KCNJ16: variants seen among roughly 807,000 people sequenced by gnomAD.
The protein encoded by KCNJ16 is inward rectifier potassium channel 16.
A neutral mutation model predicts 18.5 loss-of-function variants in KCNJ16; 15 were observed. The observed-to-expected ratio is 0.81, with a 90% CI of 0.54 to 1.25. The LOEUF is 1.25. Among genes scored for constraint, KCNJ16 ranks in the 50% most tolerant of loss-of-function variants. The pLI is 0.00. For synonymous variants in KCNJ16, 174 were observed against 186.5 expected, an observed-to-expected ratio of 0.93 and a Z score of 0.55; for missense variants, 523 against 525.7, an observed-to-expected ratio of 0.99 and a Z score of 0.05.
chr17:70,100,515 C>T (rs1487795085), intron 1 of KCNJ16, 143 bp from the exon 2 acceptor site: 2 of 152,164 alleles, frequency 1.3e-5, no homozygotes, highest in African/African-American at 4.8e-5. Context: ...CTATGTACAC[C>T]TTTCTTTATA....
chr17:70,080,887 C>T (rs760649880), intron 1 of KCNJ16, among the ~76,000 whole-genome samples: 5 of 152,106 alleles, frequency 3.3e-5, no homozygotes, highest in Non-Finnish European at 7.4e-5. Context: ...GCTAGATCTC[C>T]GATTCAAGAT....
At chr17:70,101,572 T>C (rs997294865) in intron 2 of KCNJ16, 8 of 140,064 alleles carry the variant, frequency 5.7e-5, no homozygotes, top group African/African-American at 1.9e-4. Flanking sequence ...AGATAAACGA[T>C]TATAATTGCA....
At chr17:70,111,884 T>C (rs1270591563) in intron 2 of KCNJ16, among the ~76,000 whole-genome samples, 1 of 152,186 alleles carries the variant, frequency 6.6e-6, no homozygotes, top group Non-Finnish European at 1.5e-5. Context: ...CGTGGAACTG[T>C]GAGCCCATTA....
intron 2 of KCNJ16, among the ~76,000 whole-genome samples, chr17:70,129,341 G>A (rs1051311844): frequency 4.6e-5 from 7 of 152,096 alleles, no homozygotes; most frequent in African/African-American, 1.4e-4. Context: ...TGCTAGCCTC[G>A]ATTATTTAAT....
At chr17:70,123,559 G>C (rs971707887) in intron 2 of KCNJ16, among the ~76,000 whole-genome samples, 10 of 152,148 alleles carry the variant, frequency 6.6e-5, no homozygotes, top group Non-Finnish European at 1.2e-4. Context: ...AAATAAAAGA[G>C]AGCTTCCCAG....
In KCNJ16 at chr17:70,132,934, A is replaced by C; in HGVS notation, c.847A>C (p.Ile283Leu). 6.2e-7 allele frequency: 1 copy of C among 1,614,214 alleles called. No homozygotes were observed. Among genetic ancestry groups the C allele is most frequent in the Non-Finnish European group, 8.5e-7 (1 of 1,180,034 alleles). The change falls in exon 4 of 4, where the codon ATC (isoleucine) becomes CTC (leucine). Residue 283 changes from isoleucine (I) to leucine (L), a missense_variant. Ile to Leu is a conservative substitution (Grantham distance 5). Transcript: ENST00000392671. ...KDNFEILVTFIYTGDSTGTSH... is the reference protein window; with the variant it reads ...KDNFEILVTFLYTGDSTGTSH... The stretch of plus-strand genomic sequence containing the variant: ...TAACTTTGAGATTTTGGTGACATTT[A>C]TCTATACTGGTGATTCCACTGGAAC...
chr17:70,132,138 C>T lies in KCNJ16; in HGVS notation c.51C>T (p.Tyr17=). The change falls in exon 4 of 4, where the codon TAC becomes TAT. Residue 17 remains tyrosine (Y), a synonymous_variant. Coordinates refer to ENST00000392671, the MANE Select transcript of KCNJ16 (RefSeq NM_170741.4). ...SYHIINADAK[Y]PGYPPEHIIA... ...ATATTATCAATGCGGACGCAAAATA[C>T]CCAGGCTACCCGCCAGAGCACATTA... 6.2e-7 allele frequency: 1 copy of T among 1,614,154 alleles called. No homozygotes were observed. Among genetic ancestry groups the T allele is most frequent in the Non-Finnish European group, 8.5e-7 (1 of 1,180,036 alleles).
intron 2 of KCNJ16, chr17:70,128,666 C>T (rs894897020): frequency 1.3e-5 from 2 of 152,170 alleles, no homozygotes; most frequent in Non-Finnish European, 2.9e-5. Context: ...TTCCTTCGAA[C>T]TTCATATTCT....
intron 1 of KCNJ16, among the ~76,000 whole-genome samples, chr17:70,089,050 C>T (rs1661645872): frequency 6.6e-6 from 1 of 152,032 alleles, no homozygotes; most frequent in Non-Finnish European, 1.5e-5. Flanking sequence ...CTTTCTTTTG[C>T]TTTTCTCATT....
intron 2 of KCNJ16, among the ~76,000 whole-genome samples, chr17:70,108,877 TC>T (rs1291440625): frequency 6.6e-6 from 1 of 152,110 alleles, no homozygotes; most frequent in Non-Finnish European, 1.5e-5. Context: ...TGCCTAAATT[TC>T]CCTGCTTGTG....
intron 3 of KCNJ16, chr17:70,131,408 TTC>T: frequency 9.9e-7 from 1 of 1,013,266 alleles, no homozygotes; most frequent in Non-Finnish European, 1.2e-6. Context: ...CTCCTGTCAG[TTC>T]TGTTTGTCCT....
chr17:70,133,376 A>C lies in KCNJ16; in HGVS notation c.*32A>C. On this transcript the variant is annotated 3_prime_UTR_variant, in exon 4 of 4. Transcript: ENST00000392671. ...ATTGCAATTATGAGGGCTACCACTGAATCATTTTATCTTTCAGCCAATCAA... is the reference window on the plus strand; with the variant it reads ...ATTGCAATTATGAGGGCTACCACTGCATCATTTTATCTTTCAGCCAATCAA... 3 of 1,559,854 alleles carry C rather than the reference A, an allele frequency of 1.9e-6. No individual in the cohort carries two copies. The highest frequency in any genetic ancestry group is 2.6e-6 in the Non-Finnish European group (3 of 1,146,976).
At chr17:70,129,539 T>C (rs1420384726) in intron 2 of KCNJ16, among the ~76,000 whole-genome samples, 2 of 152,186 alleles carry the variant, frequency 1.3e-5, no homozygotes, top group Non-Finnish European at 2.9e-5. Context: ...AAGACAACTG[T>C]CTTTTAAAAA....
At chr17:70,104,988 A>T (rs1050645528) in intron 2 of KCNJ16, 2 of 152,620 alleles carry the variant, frequency 1.3e-5, no homozygotes, top group African/African-American at 4.8e-5. Flanking sequence ...GGCCAAGAGA[A>T]AAGGGCCCTG....
intron 2 of KCNJ16, among the ~76,000 whole-genome samples, chr17:70,123,706 G>C (rs1477824869): frequency 2.9e-5 from 4 of 138,120 alleles, no homozygotes; most frequent in Non-Finnish European, 6.4e-5. Flanking sequence ...GCTAAGATGT[G>C]GCAAAAAAAA....
chr17:70,106,154 A>C (rs574869887), intron 2 of KCNJ16, among the ~76,000 whole-genome samples: 1 of 152,324 alleles, frequency 6.6e-6, no homozygotes, highest in South Asian at 2.1e-4. Context: ...GTAAAGGCAC[A>C]GATAATACCA....
At chr17:70,117,977 A>G (rs1024372992) in intron 2 of KCNJ16, among the ~76,000 whole-genome samples, 1 of 152,200 alleles carries the variant, frequency 6.6e-6, no homozygotes, top group Admixed American at 6.5e-5. Context: ...TGTGGACCAC[A>G]TGGCCTCTGA....
intron 2 of KCNJ16, among the ~76,000 whole-genome samples, chr17:70,125,612 A>G (rs1444537648): frequency 6.6e-6 from 1 of 152,146 alleles, no homozygotes; most frequent in Non-Finnish European, 1.5e-5. Context: ...TCCACAGAGT[A>G]AAGTGAAAAA....
In KCNJ16 at chr17:70,132,119, T is replaced by C. The variant is rs908355325; in HGVS notation, c.32T>C (p.Ile11Thr). MSYYGSSYHIINADAKYPGYP... is the reference protein window; with the variant it reads MSYYGSSYHITNADAKYPGYP... The stretch of plus-strand genomic sequence containing the variant: ...TATTACGGCAGCAGCTATCATATTA[T>C]CAATGCGGACGCAAAATACCCAGGC... The change falls in exon 4 of 4, where the codon ATC (isoleucine) becomes ACC (threonine). Residue 11 changes from isoleucine to threonine, a missense_variant. Ile to Thr is a moderately conservative substitution (Grantham distance 89). Transcript: ENST00000392671. 1 of 1,614,078 alleles carries C rather than the reference T, an allele frequency of 6.2e-7. No homozygotes were observed. The highest frequency in any genetic ancestry group is 1.3e-5 in the African/African-American group (1 of 74,914).
Sources: gnomAD v4.1 joint callset for allele counts (sites outside exome capture counted in the v4.1 genomes callset) on GRCh38, gnomAD v4.1.1 for gene constraint, MANE v1.5 for transcripts, NCBI Gene and HGNC (gene_info 2026-07-23, HGNC 2026-07-21) for gene names.